Variants in ADCY8 observed in about 807,000 individuals in gnomAD.
The protein encoded by ADCY8 is adenylate cyclase 8.
ADCY8 carries 51 observed loss-of-function variants against 119.7 expected under a neutral mutation model. The ratio of observed to expected loss-of-function variants is 0.43; its 90% CI spans 0.34 to 0.54. The LOEUF (loss-of-function observed/expected upper bound fraction) is 0.54. Among genes scored for constraint, ADCY8 ranks in the 20% least tolerant of loss-of-function variants. ADCY8 has a pLI of 0.03. For missense variants in ADCY8, 1,383 were observed against 1,598.8 expected (o/e 0.87, Z 2.30); for synonymous variants, 665 against 651.0 (o/e 1.02, Z -0.33).
intron 14 of ADCY8, among the ~76,000 whole-genome samples, chr8:130,809,095 T>C (rs547234528): frequency 2.0e-4 from 30 of 152,316 alleles, no homozygotes; most frequent in African/African-American, 7.2e-4. Context: ...TGGGTAACAC[T>C]GCCTTGGACA....
intron 15 of ADCY8, among the ~76,000 whole-genome samples, chr8:130,796,648 C>T (rs935496327): frequency 6.6e-6 from 1 of 152,102 alleles, no homozygotes; most frequent in African/African-American, 2.4e-5. Context: ...GACCCAAGGA[C>T]CCACACACAG....
At chr8:130,951,513 G>A (rs996010188) in intron 3 of ADCY8, among the ~76,000 whole-genome samples, 17 of 152,190 alleles carry the variant, frequency 1.1e-4, no homozygotes, top group Admixed American at 1.1e-3. Context: ...AATATAAGGA[G>A]GGGATGTATG....
intron 2 of ADCY8, among the ~76,000 whole-genome samples, chr8:130,976,019 T>TA (rs34559288): frequency 1.1e-4 from 16 of 151,990 alleles, no homozygotes; most frequent in Admixed American, 7.9e-4. Context: ...TTCAGTATGC[T>TA]AAAAAAAACC....
At position 130,954,660 on chromosome 8, in the gene ADCY8, AT is replaced by A. The variant is rs201960508; in HGVS notation, c.1111-2663del. Among the ~76,000 whole-genome samples the A allele has an allele frequency of 3.4e-3, 513 of 152,346 alleles. 7 individuals are homozygous for A. Among genetic ancestry groups the A allele is most frequent in the African/African-American group, 0.011 (471 of 41,566 alleles). On this transcript the variant is annotated intron_variant, in intron 2 of 17. Coordinates refer to ENST00000286355, the MANE Select transcript of ADCY8 (RefSeq NM_001115.3). ...CCTTTACTATAGCTCCATAAAACAG[AT>A]TATGTTCCAAATAAAACAAACACAT... is the stretch of plus-strand genomic sequence containing the variant.
rs1586536897 is a variant in ADCY8 at position 130,889,201 on chromosome 8, A to G, written c.1912-4440T>C. On this transcript the variant is annotated intron_variant, in intron 7 of 17. Coordinates refer to ENST00000286355, the MANE Select transcript of ADCY8 (RefSeq NM_001115.3). ...GTGGACCAATCAGTTTAGAAAATGT[A>G]GATCCATTATTTGTTTACTGCCATT... Among the ~76,000 whole-genome samples the G allele has an allele frequency of 1.3e-5, 2 of 152,290 alleles. 1 individual carries two copies. Among genetic ancestry groups the G allele is most frequent in the South Asian group, 4.1e-4 (2 of 4,830 alleles).
rs528155477 is a variant in ADCY8, at chr8:130,789,645, T to C, written c.3061-4170A>G. On this transcript the variant is annotated intron_variant, in intron 15 of 17. Coordinates refer to ENST00000286355, the MANE Select transcript of ADCY8 (RefSeq NM_001115.3). ...GTCAATATTTTGTCCCCATTTTATA[T>C]AGGAGGAATTTGAGGCACAGAGGGG... 4.6e-5 allele frequency among the ~76,000 whole-genome samples: 7 copies of C among 152,308 alleles called. No individual in the cohort carries two copies. The East Asian group carries it at 7.7e-4, about 17-fold the overall frequency.
intron 14 of ADCY8, among the ~76,000 whole-genome samples, chr8:130,802,846 A>G (rs554095600): frequency 4.6e-5 from 7 of 152,192 alleles, no homozygotes; most frequent in Non-Finnish European, 1.0e-4. Context: ...CACCCCTCAG[A>G]AGCAGCACTT....
At chr8:130,954,882 G>T (rs1821378810) in intron 2 of ADCY8, among the ~76,000 whole-genome samples, 1 of 152,188 alleles carries the variant, frequency 6.6e-6, no homozygotes, top group South Asian at 2.1e-4. Flanking sequence ...ATATTCCTAT[G>T]ATTGGAGCTA....
At chr8:130,805,323 C>T (rs1411125988) in intron 14 of ADCY8, among the ~76,000 whole-genome samples, 1 of 152,068 alleles carries the variant, frequency 6.6e-6, no homozygotes, top group African/African-American at 2.4e-5. Context: ...TGACGTAGAG[C>T]TGAAATTTGT....
intron 5 of ADCY8, among the ~76,000 whole-genome samples, chr8:130,925,489 C>T (rs1820438500): frequency 1.3e-5 from 2 of 152,114 alleles, no homozygotes; most frequent in Non-Finnish European, 2.9e-5. Context: ...TTAAGTCACC[C>T]ACCCATCATT....
chr8:131,000,335 A>T (rs1224358792), intron 1 of ADCY8, among the ~76,000 whole-genome samples: 1 of 152,268 alleles, frequency 6.6e-6, no homozygotes, highest in Non-Finnish European at 1.5e-5. Flanking sequence ...ACACAGGTTT[A>T]ATATTTTGCC....
chr8:130,951,732 A>G (rs566446099), intron 3 of ADCY8, 136 bp downstream of exon 3: 3 of 1,013,272 alleles, frequency 3.0e-6, no homozygotes, highest in Non-Finnish European at 1.4e-6. Context: ...ATGAATAATC[A>G]CTAGGTAATG....
At chr8:130,876,039 G>C (rs528103256) in intron 8 of ADCY8, among the ~76,000 whole-genome samples, 1 of 151,880 alleles carries the variant, frequency 6.6e-6, no homozygotes, top group Non-Finnish European at 1.5e-5. Flanking sequence ...CTTCAGTTTT[G>C]TTTAATATGA....
intron 1 of ADCY8, among the ~76,000 whole-genome samples, chr8:131,036,290 CAAAGT>C (rs1430254270): frequency 6.6e-6 from 1 of 152,070 alleles, no homozygotes; most frequent in African/African-American, 2.4e-5. Flanking sequence ...AAATACTGTG[CAAAGT>C]AAAGGATTAT....
chr8:130,846,834 CCCTCCCCTTCCTTCCTT>C (rs1250404513), intron 11 of ADCY8, among the ~76,000 whole-genome samples: 4 of 71,814 alleles, frequency 5.6e-5, no homozygotes, highest in Non-Finnish European at 1.1e-4. Flanking sequence ...TCCTTCCCTC[CCCTCCCCTTCCTTCCTT>C]CCTCCCCTCC....
intron 5 of ADCY8, among the ~76,000 whole-genome samples, chr8:130,922,636 G>A (rs1019489488): frequency 2.6e-4 from 40 of 151,990 alleles, no homozygotes; most frequent in African/African-American, 9.4e-4. Flanking sequence ...GCAACCATCC[G>A]ATTTCTCAAT....
At chr8:130,821,688 G>A (rs1228121795) in intron 12 of ADCY8, among the ~76,000 whole-genome samples, 1 of 152,070 alleles carries the variant, frequency 6.6e-6, no homozygotes, top group Admixed American at 6.5e-5. Flanking sequence ...TAATAATAAT[G>A]TTTTCTATGT....
intron 1 of ADCY8, among the ~76,000 whole-genome samples, chr8:131,038,076 G>A (rs1246747649): frequency 6.6e-6 from 1 of 152,152 alleles, no homozygotes; most frequent in Non-Finnish European, 1.5e-5. Context: ...TAAGTCACCT[G>A]AGCAAAGGAA....
chr8:130,921,362 T>C (rs11785149), intron 5 of ADCY8, among the ~76,000 whole-genome samples: 1 of 152,116 alleles, frequency 6.6e-6, no homozygotes, highest in Admixed American at 6.5e-5. Flanking sequence ...CTACTATGTA[T>C]ACTTTAAATG....
Sources: allele counts gnomAD v4.1 joint callset (sites outside exome capture counted in the v4.1 genomes callset), GRCh38; gene constraint gnomAD v4.1.1; transcripts MANE v1.5; gene names NCBI Gene and HGNC (gene_info 2026-07-23, HGNC 2026-07-21).